The following RNF222 variants were observed in gnomAD, a reference collection of about 807,000 sequenced individuals.
RNF222 encodes RING finger protein LOC643904.
Under a neutral mutation model 10.8 loss-of-function variants are expected in RNF222, and 14 were observed. The ratio of observed to expected loss-of-function variants is 1.30; its 90% CI spans 0.86 to 2.03. The LOEUF (loss-of-function observed/expected upper bound fraction) is 2.03. RNF222 is among the 30% of genes most tolerant of loss of function. The pLI, the probability that RNF222 is intolerant of heterozygous loss-of-function variation, is 0.00. For synonymous variants in RNF222, 141 were observed against 142.5 expected, an observed-to-expected ratio of 0.99 and a Z score of 0.07; for missense variants, 298 against 295.8, an observed-to-expected ratio of 1.01 and a Z score of -0.06.
At position 8,393,033 on chromosome 17, in the gene RNF222, C is replaced by G; in HGVS notation, c.429G>C (p.Leu143=). The change falls in exon 3 of 3, where the codon CTG becomes CTC. Residue 143 remains leucine (L), a synonymous_variant. Coordinates refer to ENST00000399398, the MANE Select transcript of RNF222 (RefSeq NM_001146684.3). The part of the protein sequence containing the change: ...AQLPLDLLPS[L]PRESQIFVIS... ...TGACAAAGATCTGTGACTCCCGGGGCAGGCTGGGCAGCAGGTCCAGGGGGA... is the reference window on the plus strand; with the variant it reads ...TGACAAAGATCTGTGACTCCCGGGGGAGGCTGGGCAGCAGGTCCAGGGGGA... 6.7e-7 allele frequency: 1 copy of G among 1,501,784 alleles called. No homozygotes were observed. Among genetic ancestry groups the G allele is most frequent in the Non-Finnish European group, 8.8e-7 (1 of 1,130,406 alleles). The allele number at this position is 1,501,784 out of a possible 1,614,324, so 93.0% of individuals were successfully genotyped here.
chr17:8,397,739 T>C lies in RNF222; in HGVS notation c.-222A>G, dbSNP rs1462795401. On this transcript the variant is annotated 5_prime_UTR_variant, in exon 1 of 3. Coordinates refer to ENST00000399398, the MANE Select transcript of RNF222 (RefSeq NM_001146684.3). The stretch of plus-strand genomic sequence containing the variant: ...CTTCCCTCCTGGGGCCTCCAGCAGA[T>C]CTGAGCCACCCCGAGGTGCTGAGCA... The C allele has an allele frequency of 3.3e-5, 5 of 152,416 alleles. No individual in the cohort carries two copies. Among genetic ancestry groups the C allele is most frequent in the Non-Finnish European group, 7.3e-5 (5 of 68,304 alleles). The allele number at this position is 152,416 out of a possible 1,614,324, so 9.4% of individuals were successfully genotyped here. A position where few individuals can be genotyped will look rare whatever the true frequency, so the allele number is the denominator to read the frequency against.
rs1345346517 is a variant in RNF222 at position 8,394,171 on chromosome 17, C to A, written c.-26+7G>T. ...CACGTCAGGGAGCTTTAGGTTCATT[C>A]CCTCACCTGCCACAGCTCAGTCATT... On this transcript the variant is annotated splice_region_variant and intron_variant, in intron 2 of 2. Coordinates refer to ENST00000399398, the MANE Select transcript of RNF222 (RefSeq NM_001146684.3). 8.5e-5 allele frequency: 13 copies of A among 152,250 alleles called. No homozygotes were observed. Among genetic ancestry groups the A allele is most frequent in the Admixed American group, 8.5e-4 (13 of 15,286 alleles). The allele number at this position is 152,250 out of a possible 1,614,324, so 9.4% of individuals were successfully genotyped here. A position where few individuals can be genotyped will look rare whatever the true frequency, so the allele number is the denominator to read the frequency against.
intron 1 of RNF222, among the ~76,000 whole-genome samples, chr17:8,396,096 TG>T (rs1160046482): frequency 6.6e-6 from 1 of 152,172 alleles, no homozygotes; most frequent in Non-Finnish European, 1.5e-5. Context: ...TGATGATCAA[TG>T]GTTTAAGTTG....
At chr17:8,395,506 A>G (rs1278529092) in intron 1 of RNF222, among the ~76,000 whole-genome samples, 2 of 152,206 alleles carry the variant, frequency 1.3e-5, no homozygotes, top group Non-Finnish European at 2.9e-5. Context: ...AAGACAGACC[A>G]TGTCCTGTCC....
At chr17:8,397,546 G>A (rs551954631) in intron 1 of RNF222, 149 bp downstream of exon 1, 1 of 152,404 alleles carries the variant, frequency 6.6e-6, no homozygotes, top group Admixed American at 6.5e-5. Context: ...GCTGTGACTA[G>A]TTGCTCACCC....
At position 8,393,061 on chromosome 17, in the gene RNF222, T is replaced by C; in HGVS notation, c.401A>G (p.Gln134Arg). 1 of 1,493,522 alleles carries C rather than the reference T, an allele frequency of 6.7e-7. No homozygotes were observed. The highest frequency in any genetic ancestry group is 8.9e-7 in the Non-Finnish European group (1 of 1,126,222). The allele number at this position is 1,493,522 out of a possible 1,614,324, so 92.5% of individuals were successfully genotyped here. ...GCTGGGCAGCAGGTCCAGGGGGAGCTGGGCGCTCTGGCCCGGGCTGCCTGG... is the reference window on the plus strand; with the variant it reads ...GCTGGGCAGCAGGTCCAGGGGGAGCCGGGCGCTCTGGCCCGGGCTGCCTGG... Reference protein sequence around the residue: ...RPPGSPGQSAQLPLDLLPSLP... With the variant: ...RPPGSPGQSARLPLDLLPSLP... The change falls in exon 3 of 3, where the codon CAG (glutamine) becomes CGG (arginine). Residue 134 changes from glutamine to arginine, a missense_variant. By Grantham distance (43) the Gln-to-Arg change is conservative (BLOSUM62 1). Coordinates refer to ENST00000399398, the MANE Select transcript of RNF222 (RefSeq NM_001146684.3).
intron 1 of RNF222, among the ~76,000 whole-genome samples, chr17:8,394,669 C>T (rs1907984719): frequency 1.3e-5 from 2 of 152,156 alleles, no homozygotes; most frequent in South Asian, 2.1e-4. Flanking sequence ...AACTCCTGAC[C>T]TCCGGTGATC....
chr17:8,395,999 A>G (rs552157540), intron 1 of RNF222, among the ~76,000 whole-genome samples: 114 of 152,354 alleles, frequency 7.5e-4, no homozygotes, highest in African/African-American at 2.6e-3. Context: ...GGGGATAAGT[A>G]GTGGCCAAGG....
At position 8,393,389 on chromosome 17, in the gene RNF222, C is replaced by T; in HGVS notation, c.73G>A (p.Glu25Lys). The change falls in exon 3 of 3, where the codon GAG becomes AAG. Residue 25 changes from glutamate (E) to lysine (K), a missense_variant. By Grantham distance (56) the Glu-to-Lys change is moderately conservative. Transcript: ENST00000399398. The stretch of plus-strand genomic sequence containing the variant: ...CAGCTCAGCGTCCGGCTGGCGCCCT[C>T]CAGGTCCCGGAACTTCTCATAGCAC... ...PVCYEKFRDL[E>K]GASRTLSCGH... The T allele has an allele frequency of 6.4e-7, 1 of 1,551,690 alleles. No homozygotes were observed. Among genetic ancestry groups the T allele is most frequent in the South Asian group, 1.2e-5 (1 of 84,064 alleles).
rs1358582209 is a variant in RNF222, at chr17:8,392,753, C to G, written c.*46G>C. On this transcript the variant is annotated 3_prime_UTR_variant, in exon 3 of 3. Coordinates refer to ENST00000399398, the MANE Select transcript of RNF222 (RefSeq NM_001146684.3). This position sits in a 1 kb window ranked among gnomAD's most constrained non-coding sequence, Gnocchi z 4.3. Reference sequence around the variant, plus strand: ...ACCAGGGCTGCCGTGGGCCTCCTGTCCCACCCCAGGCCACGGCTAGCCCGG... The same window carrying G: ...ACCAGGGCTGCCGTGGGCCTCCTGTGCCACCCCAGGCCACGGCTAGCCCGG... The G allele has an allele frequency of 6.6e-7, 1 of 1,522,880 alleles. No individual in the cohort carries two copies. Among genetic ancestry groups the G allele is most frequent in the Non-Finnish European group, 8.8e-7 (1 of 1,142,070 alleles). The allele number at this position is 1,522,880 out of a possible 1,614,324, so 94.3% of individuals were successfully genotyped here. A position where few individuals can be genotyped will look rare whatever the true frequency, so the allele number is the denominator to read the frequency against.
At chr17:8,394,850 C>T (rs905122898) in intron 1 of RNF222, among the ~76,000 whole-genome samples, 1 of 152,148 alleles carries the variant, frequency 6.6e-6, no homozygotes, top group African/African-American at 2.4e-5. Context: ...GTGGTGAGGT[C>T]CAAGTGTCCG....
At position 8,392,654 on chromosome 17, in the gene RNF222, G is replaced by C; in HGVS notation, c.*145C>G. On this transcript the variant is annotated 3_prime_UTR_variant, in exon 3 of 3. Transcript: ENST00000399398. The surrounding 1 kb of genome is among the most constrained non-coding windows in gnomAD (Gnocchi z 4.3). ...TCGAGCGGAAGCCCCTGCGGGGGTC[G>C]GGGAAGCCCAAGGCCCTCTCTGTGC... 1.9e-6 allele frequency: 2 copies of C among 1,027,952 alleles called. No individual in the cohort carries two copies. Among genetic ancestry groups the C allele is most frequent in the Non-Finnish European group, 2.7e-6 (2 of 735,410 alleles). 63.7% of individuals were successfully genotyped at this position (1,027,952 alleles called of 1,614,324 possible).
At chr17:8,397,494 G>A (rs1196172694) in intron 1 of RNF222, among the ~76,000 whole-genome samples, 1 of 152,140 alleles carries the variant, frequency 6.6e-6, no homozygotes, top group East Asian at 1.9e-4. Flanking sequence ...CAGGCACCTG[G>A]GATTCCCTCC....
intron 1 of RNF222, among the ~76,000 whole-genome samples, chr17:8,396,733 C>T (rs1419484039): frequency 6.6e-6 from 1 of 152,162 alleles, no homozygotes; most frequent in Admixed American, 6.6e-5. Flanking sequence ...TTCTTGCCTC[C>T]CTTTCTCAGT....
chr17:8,392,637 A>C lies in RNF222; in HGVS notation c.*162T>G, dbSNP rs1907876178. 28 of 836,664 alleles carry C rather than the reference A, an allele frequency of 3.3e-5. No individual in the cohort carries two copies. The highest frequency in any genetic ancestry group is 5.0e-5 in the Non-Finnish European group (28 of 560,652). The allele number at this position is 836,664 out of a possible 1,614,324, so 51.8% of individuals were successfully genotyped here. A position where few individuals can be genotyped will look rare whatever the true frequency, so the allele number is the denominator to read the frequency against. ...CAGCTCCAGCCTCTCTGTCGAGCGG[A>C]AGCCCCTGCGGGGGTCGGGGAAGCC... On this transcript the variant is annotated 3_prime_UTR_variant, in exon 3 of 3. Coordinates refer to ENST00000399398, the MANE Select transcript of RNF222 (RefSeq NM_001146684.3). The surrounding 1 kb of genome is among the most constrained non-coding windows in gnomAD (Gnocchi z 4.3).
rs140754993 is a variant in RNF222, at chr17:8,391,539, TG to T, written c.*1259del. The T allele has an allele frequency of 0.16, 24,567 of 151,722 alleles. 2,148 individuals carry two copies. Among genetic ancestry groups the T allele is most frequent in the Middle Eastern group, 0.22 (66 of 294 alleles). 9.4% of individuals were successfully genotyped at this position (151,722 alleles called of 1,614,324 possible). On this transcript the variant is annotated 3_prime_UTR_variant, in exon 3 of 3. Coordinates refer to ENST00000399398, the MANE Select transcript of RNF222 (RefSeq NM_001146684.3). ...CAGAGGGGTATAGGTTGAGGGAGGT[TG>T]GGGGCTCAGCTGTGGGCACAGCTGG...
chr17:8,392,851 G>A lies in RNF222; in HGVS notation c.611C>T (p.Ala204Val). 1 of 1,533,264 alleles carries A rather than the reference G, an allele frequency of 6.5e-7. No homozygotes were observed. The highest frequency in any genetic ancestry group is 8.7e-7 in the Non-Finnish European group (1 of 1,146,314). The allele number at this position is 1,533,264 out of a possible 1,614,324, so 95.0% of individuals were successfully genotyped here. ...CCAGGGCAGGATGGCGGCCACCACG[G>A]CCACCACAGCGATGAGCGTGATGAG... is the stretch of plus-strand genomic sequence containing the variant. ...LLLITLIAVVAVVAAILPWVL... is the reference protein window; with the variant it reads ...LLLITLIAVVVVVAAILPWVL... Residue 204 changes from alanine (A) to valine (V), a missense_variant, in exon 3 of 3, where the codon GCC (alanine) becomes GTC (valine). Ala to Val is a moderately conservative substitution (Grantham distance 64, BLOSUM62 0). Transcript: ENST00000399398. This position sits in a 1 kb window ranked among gnomAD's most constrained non-coding sequence, Gnocchi z 4.3.
rs1209310200 is a variant in RNF222 at position 8,392,593 on chromosome 17, C to G, written c.*206G>C. On this transcript the variant is annotated 3_prime_UTR_variant, in exon 3 of 3. Transcript: ENST00000399398. This position sits in a 1 kb window ranked among gnomAD's most constrained non-coding sequence, Gnocchi z 4.3. The stretch of plus-strand genomic sequence containing the variant: ...CTGCTGAGGATTCACGTGGGGAACA[C>G]GCGCCGCGCGCATGGAGTCAGCTCC... 3 of 605,840 alleles carry G rather than the reference C, an allele frequency of 5.0e-6. No individual in the cohort carries two copies. The highest frequency in any genetic ancestry group is 4.0e-5 in the African/African-American group (2 of 50,518). 37.5% of individuals were successfully genotyped at this position (605,840 alleles called of 1,614,324 possible). A position where few individuals can be genotyped will look rare whatever the true frequency, so the allele number is the denominator to read the frequency against.
At position 8,392,057 on chromosome 17, in the gene RNF222, C is replaced by T. The variant is rs1449984236; in HGVS notation, c.*742G>A. Reference sequence around the variant, plus strand: ...AACCCCAGGACTCAAAGTTTGGATCCCTCCTTTGGCCTGGAGGGCTCAGGG... The same window carrying T: ...AACCCCAGGACTCAAAGTTTGGATCTCTCCTTTGGCCTGGAGGGCTCAGGG... On this transcript the variant is annotated 3_prime_UTR_variant, in exon 3 of 3. Transcript: ENST00000399398. This position sits in a 1 kb window ranked among gnomAD's most constrained non-coding sequence, Gnocchi z 4.3. 1 of 152,294 alleles carries T rather than the reference C, an allele frequency of 6.6e-6. No individual in the cohort carries two copies. The highest frequency in any genetic ancestry group is 1.5e-5 in the Non-Finnish European group (1 of 68,104). The allele number at this position is 152,294 out of a possible 1,614,324, so 9.4% of individuals were successfully genotyped here.
Sources: gnomAD v4.1 joint callset for allele counts (sites outside exome capture counted in the v4.1 genomes callset) on GRCh38, gnomAD v4.1.1 for gene constraint, Gnocchi (gnomAD v3.1) non-coding constraint, MANE v1.5 for transcripts, NCBI Gene and HGNC (gene_info 2026-07-23, HGNC 2026-07-21) for gene names.